Variants in TSHZ2 observed in about 807,000 individuals in gnomAD.
The protein encoded by TSHZ2 is teashirt zinc finger homeobox 2.
TSHZ2 carries 21 observed loss-of-function variants against 74.4 expected under a neutral mutation model. That is an observed-to-expected ratio of 0.28 (90% CI 0.20 to 0.41). The LOEUF is 0.41. TSHZ2 is among the 10% of genes least tolerant of loss of function. The probability of loss-of-function intolerance (pLI) is 1.00; values close to 1 mark genes in which losing one functional copy is unlikely to be tolerated. For missense variants in TSHZ2, 1,244 were observed against 1,293.5 expected (o/e 0.96, Z 0.59); for synonymous variants, 540 against 515.3 (o/e 1.05, Z -0.65).
chr20:53,128,962 C>T (rs572828554), intron 1 of TSHZ2, among the ~76,000 whole-genome samples: 1 of 152,210 alleles, frequency 6.6e-6, no homozygotes, highest in South Asian at 2.1e-4. Context: ...AGTCCAAATT[C>T]ATAACCCCCT....
intron 2 of TSHZ2, among the ~76,000 whole-genome samples, chr20:53,394,315 A>C (rs1011025758): frequency 3.3e-5 from 5 of 152,222 alleles, no homozygotes; most frequent in African/African-American, 1.2e-4. Context: ...TGACTGTCTC[A>C]AAGAAAACAA....
chr20:53,286,927 G>A (rs896472947), intron 2 of TSHZ2, among the ~76,000 whole-genome samples: 6 of 123,132 alleles, frequency 4.9e-5, no homozygotes, highest in African/African-American at 1.4e-4. Flanking sequence ...ACACACACAC[G>A]TAACACTTCT....
chr20:53,454,694 C>G (rs1489557984), intron 2 of TSHZ2, among the ~76,000 whole-genome samples: 1 of 152,138 alleles, frequency 6.6e-6, no homozygotes, highest in South Asian at 2.1e-4. Flanking sequence ...CAAAGTAGCC[C>G]CATCAGAACT....
chr20:53,239,617 G>A (rs1330254711), intron 1 of TSHZ2, among the ~76,000 whole-genome samples: 2 of 152,074 alleles, frequency 1.3e-5, no homozygotes, highest in Non-Finnish European at 2.9e-5. Context: ...ATTTGAAATC[G>A]CAATGGATAA....
intron 1 of TSHZ2, among the ~76,000 whole-genome samples, chr20:52,979,127 C>T (rs1179792150): frequency 6.6e-6 from 1 of 152,058 alleles, no homozygotes; most frequent in Non-Finnish European, 1.5e-5. Flanking sequence ...AAGAAAAAAA[C>T]ACCATCTATT....
At chr20:53,193,654 T>G (rs1341994436) in intron 1 of TSHZ2, among the ~76,000 whole-genome samples, 1 of 152,224 alleles carries the variant, frequency 6.6e-6, no homozygotes, top group Non-Finnish European at 1.5e-5. Context: ...GCACCCACCC[T>G]TTCTTTTCAG....
At chr20:53,366,157 T>C (rs1043237140) in intron 2 of TSHZ2, among the ~76,000 whole-genome samples, 1 of 152,210 alleles carries the variant, frequency 6.6e-6, no homozygotes, top group Non-Finnish European at 1.5e-5. Flanking sequence ...ATTTGGATCA[T>C]TCTCCAGGGC....
chr20:53,385,560 A>G (rs1417069580), intron 2 of TSHZ2, among the ~76,000 whole-genome samples: 1 of 152,178 alleles, frequency 6.6e-6, no homozygotes, highest in East Asian at 1.9e-4. Flanking sequence ...GTGGGGCGTG[A>G]CAGCCTTCCT....
rs541417107 is a variant in TSHZ2, at chr20:52,995,955, G to T, written c.40+22622G>T. On this transcript the variant is annotated intron_variant, in intron 1 of 2. Transcript: ENST00000371497. ...TTACTTTCTATCTGATCGTAGACAA[G>T]TTATTTAACCTTCTAAGCCCCACTT... Among the ~76,000 whole-genome samples the T allele has an allele frequency of 3.9e-5, 6 of 152,196 alleles. No homozygotes were observed. In the East Asian group the frequency reaches 1.2e-3, roughly 29 times the overall value.
intron 2 of TSHZ2, among the ~76,000 whole-genome samples, chr20:53,291,264 G>C (rs1232532397): frequency 1.3e-5 from 2 of 152,120 alleles, no homozygotes; most frequent in Non-Finnish European, 2.9e-5. Context: ...TTGAGGTCAG[G>C]AGTTCGAGAC....
intron 1 of TSHZ2, among the ~76,000 whole-genome samples, chr20:53,026,710 T>G (rs1234913402): frequency 6.6e-6 from 1 of 152,220 alleles, no homozygotes; most frequent in East Asian, 1.9e-4. Flanking sequence ...TCTGTACATT[T>G]AATGCCTTTT....
chr20:53,033,385 G>A (rs554123639), intron 1 of TSHZ2, among the ~76,000 whole-genome samples: 5 of 152,256 alleles, frequency 3.3e-5, no homozygotes, highest in African/African-American at 1.2e-4. Context: ...GATGTGAAAA[G>A]AGGAGAATAT....
In TSHZ2 at chr20:53,177,722, G is replaced by GATTT. The variant is rs542684583; in HGVS notation, c.41-75776_41-75773dup. Among the ~76,000 whole-genome samples the GATTT allele has an allele frequency of 5.3e-3, 800 of 152,050 alleles. 4 individuals are homozygous for GATTT. Among genetic ancestry groups the GATTT allele is most frequent in the Middle Eastern group, 0.01 (3 of 294 alleles). ...TCTAAAAGTTCATTATTTTTCTTCT[G>GATTT]ATTTTAAAATAAATAAAAATCTGGT... On this transcript the variant is annotated intron_variant, in intron 1 of 2. Coordinates refer to ENST00000371497, the MANE Select transcript of TSHZ2 (RefSeq NM_173485.6).
At chr20:53,287,409 C>G (rs1748047898) in intron 2 of TSHZ2, among the ~76,000 whole-genome samples, 1 of 152,198 alleles carries the variant, frequency 6.6e-6, no homozygotes, top group Admixed American at 6.5e-5. Context: ...TGTGCATTGA[C>G]TTACTTTTCA....
intron 2 of TSHZ2, among the ~76,000 whole-genome samples, chr20:53,309,035 C>A (rs1193627657): frequency 6.6e-6 from 1 of 152,174 alleles, no homozygotes; most frequent in Admixed American, 6.5e-5. Context: ...AAGGGAGGAC[C>A]AAGGTTTGTT....
intron 1 of TSHZ2, among the ~76,000 whole-genome samples, chr20:53,216,978 A>G (rs1989451406): frequency 6.6e-6 from 1 of 152,200 alleles, no homozygotes. Context: ...CCCAGTTTCC[A>G]AAGAGGCCGT....
chr20:53,054,423 G>A (rs1984574279), intron 1 of TSHZ2, among the ~76,000 whole-genome samples: 1 of 152,244 alleles, frequency 6.6e-6, no homozygotes, highest in African/African-American at 2.4e-5. Flanking sequence ...ATTATTCTAA[G>A]ACTAAAGTAA....
At chr20:53,115,815 T>C (rs987782829) in intron 1 of TSHZ2, among the ~76,000 whole-genome samples, 2 of 151,978 alleles carry the variant, frequency 1.3e-5, no homozygotes, top group Non-Finnish European at 2.9e-5. Context: ...GGTGGGGAGA[T>C]GAACTTCAAG....
chr20:53,389,635 A>G (rs1001103933), intron 2 of TSHZ2, among the ~76,000 whole-genome samples: 1 of 152,224 alleles, frequency 6.6e-6, no homozygotes, highest in Non-Finnish European at 1.5e-5. Context: ...GCAGGTGGCC[A>G]TGCTCTGCTG....
Sources: gnomAD v4.1 joint callset for allele counts (sites outside exome capture counted in the v4.1 genomes callset) on GRCh38, gnomAD v4.1.1 for gene constraint, MANE v1.5 for transcripts, NCBI Gene and HGNC (gene_info 2026-07-23, HGNC 2026-07-21) for gene names.